Variants in KIF16B observed in about 807,000 individuals in gnomAD.
KIF16B encodes kinesin family member 16B.
A neutral mutation model predicts 156.3 loss-of-function variants in KIF16B; 98 were observed. The observed-to-expected ratio is 0.63, with a 90% confidence interval of 0.53 to 0.74. The LOEUF (loss-of-function observed/expected upper bound fraction) is 0.74, where lower values mean the gene tolerates loss of function less well. Ranked by LOEUF, KIF16B falls within the 30% of genes least tolerant of loss-of-function variation. The pLI is 0.00. For missense variants in KIF16B, 1,421 were observed against 1,606.5 expected, an observed-to-expected ratio of 0.88 and a Z score of 1.97; for synonymous variants, 564 against 583.7, an observed-to-expected ratio of 0.97 and a Z score of 0.49.
chr20:16,452,172 G>A (rs1314635203), intron 12 of KIF16B, among the ~76,000 whole-genome samples: 3 of 152,056 alleles, frequency 2.0e-5, no homozygotes, highest in Admixed American at 6.6e-5. Flanking sequence ...TGAACAGGGT[G>A]GAGAAGGGAG....
intron 12 of KIF16B, among the ~76,000 whole-genome samples, chr20:16,430,357 T>A (rs1215606428): frequency 6.6e-6 from 1 of 152,122 alleles, no homozygotes; most frequent in Non-Finnish European, 1.5e-5. Flanking sequence ...CTTACCATGG[T>A]TGAACTGTGC....
chr20:16,283,762 T>C (rs1487525201), intron 25 of KIF16B, among the ~76,000 whole-genome samples: 2 of 152,188 alleles, frequency 1.3e-5, no homozygotes, highest in Admixed American at 1.3e-4. Flanking sequence ...CCTCTGCTTA[T>C]GGTCTCATGG....
At chr20:16,367,058 G>A in intron 22 of KIF16B, 1 of 1,434,994 alleles carries the variant, frequency 7.0e-7, no homozygotes, top group Non-Finnish European at 9.1e-7. Flanking sequence ...GCTACACGGA[G>A]ATATTCATAT....
chr20:16,562,542 C>G (rs1192166808), intron 1 of KIF16B, among the ~76,000 whole-genome samples: 1 of 152,088 alleles, frequency 6.6e-6, no homozygotes, highest in Admixed American at 6.5e-5. Context: ...CACGAGCAAC[C>G]ACAGAAAGTA....
At chr20:16,552,739 T>C (rs2147301713) in intron 1 of KIF16B, among the ~76,000 whole-genome samples, 1 of 152,320 alleles carries the variant, frequency 6.6e-6, no homozygotes, top group African/African-American at 2.4e-5. Flanking sequence ...CACACTCACA[T>C]TTCTGATAGC....
chr20:16,368,563 T>A, intron 22 of KIF16B: 1 of 985,984 alleles, frequency 1.0e-6, no homozygotes, highest in Non-Finnish European at 1.2e-6. Context: ...ACTGCTGGTA[T>A]CTTTATAAAG....
chr20:16,373,719 G>C, intron 20 of KIF16B, among the ~76,000 whole-genome samples: 1 of 152,192 alleles, frequency 6.6e-6, no homozygotes, highest in East Asian at 1.9e-4. Context: ...TGCTGGATGA[G>C]CTGCTTTCCC....
intron 3 of KIF16B, among the ~76,000 whole-genome samples, chr20:16,518,282 G>A (rs564569236): frequency 6.6e-6 from 1 of 152,308 alleles, no homozygotes; most frequent in African/African-American, 2.4e-5. Flanking sequence ...CACAGAGGAT[G>A]CACCGAGCAT....
intron 15 of KIF16B, among the ~76,000 whole-genome samples, chr20:16,410,512 A>C (rs1366209912): frequency 6.6e-6 from 1 of 152,032 alleles, no homozygotes; most frequent in African/African-American, 2.4e-5. Flanking sequence ...ACCCAAGTCT[A>C]AACATGAAAT....
intron 17 of KIF16B, among the ~76,000 whole-genome samples, chr20:16,394,403 G>A (rs966758201): frequency 6.6e-6 from 1 of 152,328 alleles, no homozygotes; most frequent in East Asian, 1.9e-4. Context: ...AGTTAATGGA[G>A]GAAGAAGCCC....
chr20:16,279,529 G>T (rs1208088808), intron 25 of KIF16B, among the ~76,000 whole-genome samples: 4 of 152,188 alleles, frequency 2.6e-5, no homozygotes, highest in African/African-American at 7.2e-5. Flanking sequence ...GCAGGGGGCA[G>T]ACAAGGGTCA....
chr20:16,393,181 A>G (rs555010337), intron 17 of KIF16B, among the ~76,000 whole-genome samples: 1 of 152,350 alleles, frequency 6.6e-6, no homozygotes, highest in East Asian at 1.9e-4. Flanking sequence ...CTTAAAATAT[A>G]AGCAAATATT....
intron 22 of KIF16B, among the ~76,000 whole-genome samples, chr20:16,364,532 C>T (rs909374031): frequency 1.3e-5 from 2 of 152,126 alleles, no homozygotes; most frequent in African/African-American, 2.4e-5. Flanking sequence ...CCTGAAGAAA[C>T]GAGCAGAGGG....
At chr20:16,438,439 T>C (rs1444325050) in intron 12 of KIF16B, among the ~76,000 whole-genome samples, 1 of 152,188 alleles carries the variant, frequency 6.6e-6, no homozygotes, top group Non-Finnish European at 1.5e-5. Context: ...GTGTCTAATT[T>C]ATAAATTAAA....
intron 12 of KIF16B, among the ~76,000 whole-genome samples, chr20:16,439,056 G>T (rs963844055): frequency 1.3e-5 from 2 of 152,216 alleles, no homozygotes; most frequent in Non-Finnish European, 2.9e-5. Flanking sequence ...GAAGGAGGAG[G>T]TTCAGGTGGG....
intron 15 of KIF16B, among the ~76,000 whole-genome samples, chr20:16,425,731 T>C (rs2066334625): frequency 6.6e-6 from 1 of 152,166 alleles, no homozygotes; most frequent in South Asian, 2.1e-4. Flanking sequence ...TAATGAGATA[T>C]GAGAAAAACA....
Position 16,568,819 on chromosome 20 carries a change from C to CA in KIF16B, c.47+4409dup, listed in dbSNP as rs57421025. Among the ~76,000 whole-genome samples the CA allele has an allele frequency of 3.8e-3, 210 of 55,496 alleles. 3 individuals are homozygous for CA. The highest frequency in any genetic ancestry group is 4.4e-3 in the Non-Finnish European group (150 of 34,280). 36.4% of individuals were successfully genotyped at this position (55,496 alleles called of 152,430 possible). A position where few individuals can be genotyped will look rare whatever the true frequency, so the allele number is the denominator to read the frequency against. ...TAGACAACAGGGTAAGACCCTGTCT[C>CA]AAAAAAAAAAAAAAAAAAAAAAAAA... On this transcript the variant is annotated intron_variant, in intron 1 of 25. Transcript: ENST00000354981.
intron 3 of KIF16B, among the ~76,000 whole-genome samples, chr20:16,520,181 C>A (rs1382928910): frequency 6.6e-6 from 1 of 151,618 alleles, no homozygotes; most frequent in Non-Finnish European, 1.5e-5. Context: ...GAGACAGAAC[C>A]GTTCATTCCC....
intron 24 of KIF16B, among the ~76,000 whole-genome samples, chr20:16,315,705 A>C (rs2063687761): frequency 6.6e-6 from 1 of 152,206 alleles, no homozygotes; most frequent in African/African-American, 2.4e-5. Context: ...CCAGAAGTCC[A>C]TTCCAGGACA....
Sources: allele counts gnomAD v4.1 joint callset (sites outside exome capture counted in the v4.1 genomes callset), GRCh38; gene constraint gnomAD v4.1.1; transcripts MANE v1.5; gene names NCBI Gene and HGNC (gene_info 2026-07-23, HGNC 2026-07-21).